LNX1: variants seen among roughly 807,000 people sequenced by gnomAD.
LNX1 encodes the protein ligand of numb-protein X 1.
A neutral mutation model predicts 68.4 loss-of-function variants in LNX1; 54 were observed. That is an observed-to-expected ratio of 0.79 (90% CI 0.63 to 0.99). The LOEUF is 0.99. LNX1 is among the 50% of genes least tolerant of loss of function. The pLI is 0.00. For missense variants in LNX1, 906 were observed against 926.4 expected (o/e 0.98, Z 0.29); for synonymous variants, 336 against 350.0 (o/e 0.96, Z 0.45).
chr4:53,467,884 C>T (rs1231417061), intron 9 of LNX1, among the ~76,000 whole-genome samples: 9 of 152,146 alleles, frequency 5.9e-5, no homozygotes, highest in South Asian at 2.1e-4. Context: ...CTGAAAGTGA[C>T]GAGGAGAATG....
At chr4:53,548,198 G>T (rs17660253) in intron 2 of LNX1, among the ~76,000 whole-genome samples, 37,581 of 151,498 alleles carry the variant, frequency 0.25, 4,918 homozygotes, top group Admixed American at 0.29. Context: ...GTTTTATTTG[G>T]CCTGCAGAAG....
chr4:53,467,513 G>C (rs928693384), intron 9 of LNX1, among the ~76,000 whole-genome samples: 3 of 152,196 alleles, frequency 2.0e-5, no homozygotes, highest in African/African-American at 7.2e-5. Context: ...CAAGTTGAGA[G>C]AGGAAGGCTT....
chr4:53,490,927 A>T (rs1052890453), intron 6 of LNX1, among the ~76,000 whole-genome samples: 5 of 151,768 alleles, frequency 3.3e-5, no homozygotes, highest in African/African-American at 4.8e-5. Flanking sequence ...ATTTTTTTTT[A>T]AAAGGTTTTT....
intron 2 of LNX1, among the ~76,000 whole-genome samples, chr4:53,521,328 A>G (rs1727201368): frequency 6.6e-6 from 1 of 152,088 alleles, no homozygotes; most frequent in Non-Finnish European, 1.5e-5. Context: ...GAAGGTGAAA[A>G]TCATTCCCAG....
chr4:53,571,045 CTT>C (rs879318152), intron 2 of LNX1, among the ~76,000 whole-genome samples: 1 of 144,794 alleles, frequency 6.9e-6, no homozygotes, highest in African/African-American at 2.5e-5. Flanking sequence ...AAAAAAGAAT[CTT>C]TTTTTTTTTG....
chr4:53,531,868 A>C (rs1168295238), intron 2 of LNX1, among the ~76,000 whole-genome samples: 2 of 152,198 alleles, frequency 1.3e-5, no homozygotes, highest in Admixed American at 6.5e-5. Flanking sequence ...CTATCACAAC[A>C]ACATCCTGGC....
chr4:53,471,514 T>C (rs1288304516), intron 9 of LNX1, among the ~76,000 whole-genome samples: 1 of 152,130 alleles, frequency 6.6e-6, no homozygotes, highest in Admixed American at 6.5e-5. Context: ...ATGAAAGAGC[T>C]TCTGCACAGC....
intron 5 of LNX1, among the ~76,000 whole-genome samples, chr4:53,496,972 T>C (rs530529717): frequency 2.6e-5 from 4 of 152,120 alleles, no homozygotes; most frequent in Non-Finnish European, 5.9e-5. Context: ...ACTGTGTGTG[T>C]GCGGATGGGA....
At chr4:53,462,360 A>G (rs1044790207) in intron 9 of LNX1, among the ~76,000 whole-genome samples, 17 of 142,532 alleles carry the variant, frequency 1.2e-4, no homozygotes, top group African/African-American at 4.2e-4. Flanking sequence ...GCCAAGTGTT[A>G]ACTATGTTAT....
intron 2 of LNX1, among the ~76,000 whole-genome samples, chr4:53,597,620 G>T (rs546358489): frequency 6.6e-6 from 1 of 152,156 alleles, no homozygotes; most frequent in African/African-American, 2.4e-5. Flanking sequence ...CAGAGCTTTC[G>T]TCTGTGGCTC....
At chr4:53,607,649 G>T (rs767351567) in intron 2 of LNX1, among the ~76,000 whole-genome samples, 11 of 152,234 alleles carry the variant, frequency 7.2e-5, no homozygotes, top group Middle Eastern at 3.4e-3. Flanking sequence ...AACTAAAAAA[G>T]AGCCCAAATA....
intron 2 of LNX1, among the ~76,000 whole-genome samples, chr4:53,508,909 A>G (rs1266847354): frequency 6.7e-6 from 1 of 150,068 alleles, no homozygotes; most frequent in Admixed American, 6.7e-5. Flanking sequence ...GCAAAAACAT[A>G]TTTGTCTCTA....
intron 1 of LNX1, among the ~76,000 whole-genome samples, chr4:53,635,282 G>T (rs1360508710): frequency 7.9e-5 from 12 of 152,194 alleles, no homozygotes; most frequent in Non-Finnish European, 1.6e-4. Flanking sequence ...GAGAAGGAAA[G>T]CACTGACGTT....
At chr4:53,612,297 C>T (rs1173776497) in intron 2 of LNX1, among the ~76,000 whole-genome samples, 1 of 152,184 alleles carries the variant, frequency 6.6e-6, no homozygotes, top group East Asian at 1.9e-4. Flanking sequence ...GGAAATACCT[C>T]TTGCAGGAGC....
At chr4:53,476,401 C>T (rs1329560263) in intron 9 of LNX1, among the ~76,000 whole-genome samples, 1 of 152,188 alleles carries the variant, frequency 6.6e-6, no homozygotes, top group African/African-American at 2.4e-5. Context: ...CTAGGCAGTG[C>T]AACTCAGCTC....
intron 4 of LNX1, among the ~76,000 whole-genome samples, chr4:53,503,164 T>C (rs1209513993): frequency 6.6e-6 from 1 of 152,162 alleles, no homozygotes; most frequent in Non-Finnish European, 1.5e-5. Flanking sequence ...CTCAAAGTCA[T>C]CCTTGAGAAT....
At chr4:53,647,611 A>G (rs1251162297) in intron 1 of LNX1, among the ~76,000 whole-genome samples, 2 of 152,228 alleles carry the variant, frequency 1.3e-5, no homozygotes, top group Non-Finnish European at 2.9e-5. Flanking sequence ...CTTATGGTAA[A>G]ATACACATAA....
At chr4:53,554,543 C>T (rs866188644) in intron 2 of LNX1, among the ~76,000 whole-genome samples, 8 of 152,174 alleles carry the variant, frequency 5.3e-5, no homozygotes, top group Non-Finnish European at 1.2e-4. Flanking sequence ...GTGTTATGCC[C>T]GAATGATACA....
At chr4:53,466,430 G>A (rs1050939882) in intron 9 of LNX1, among the ~76,000 whole-genome samples, 1 of 152,208 alleles carries the variant, frequency 6.6e-6, no homozygotes, top group East Asian at 1.9e-4. Flanking sequence ...CAGAAGATGG[G>A]TGATTTCTGC....
Sources: allele counts gnomAD v4.1 joint callset (sites outside exome capture counted in the v4.1 genomes callset), GRCh38; gene constraint gnomAD v4.1.1; transcripts MANE v1.5; gene names NCBI Gene and HGNC (gene_info 2026-07-23, HGNC 2026-07-21).